The following BCAR1 variants were observed in gnomAD, a reference collection of about 807,000 sequenced individuals.
BCAR1 encodes BCAR1 scaffold protein, Cas family member, also known as breast cancer anti-estrogen resistance protein 1.
A neutral mutation model predicts 67.6 loss-of-function variants in BCAR1; 30 were observed. The ratio of observed to expected loss-of-function variants is 0.44; its 90% CI spans 0.33 to 0.60. BCAR1 has a LOEUF of 0.60. Among genes scored for constraint, BCAR1 ranks in the 20% least tolerant of loss-of-function variants. The pLI is 0.02. For synonymous variants in BCAR1, 626 were observed against 556.7 expected, an observed-to-expected ratio of 1.12 and a Z score of -1.75; for missense variants, 1,313 against 1,222.3, an observed-to-expected ratio of 1.07 and a Z score of -1.11.
rs906006705 is a variant in BCAR1, at chr16:75,237,333, G to A, written c.645C>T (p.Pro215=). The part of the protein sequence containing the change: ...GTKPPAKVVV[P]TRVGQGYVYE... The stretch of plus-strand genomic sequence containing the variant: ...ATACATAGCCCTGCCCCACGCGGGT[G>A]GGCACCACCACCTGGGGGCAGAGAG... Residue 215 remains proline (P), a synonymous_variant, in exon 3 of 7, where the codon CCC becomes CCT. Coordinates refer to ENST00000162330, the MANE Select transcript of BCAR1 (RefSeq NM_014567.5). The A allele has an allele frequency of 6.8e-7, 1 of 1,465,746 alleles. No individual in the cohort carries two copies. Among genetic ancestry groups the A allele is most frequent in the Non-Finnish European group, 9.0e-7 (1 of 1,110,448 alleles). The allele number at this position is 1,465,746 out of a possible 1,614,324, so 90.8% of individuals were successfully genotyped here.
chr16:75,263,995 C>T (rs1043057913), intron 1 of BCAR1: 29 of 1,193,584 alleles, frequency 2.4e-5, no homozygotes, highest in Non-Finnish European at 3.0e-5. Context: ...TGGCAAAGAC[C>T]TCTGCCCACC....
At position 75,229,554 on chromosome 16, in the gene BCAR1, G is replaced by C. The variant is rs752395738; in HGVS notation, c.2570C>G (p.Thr857Ser). The stretch of plus-strand genomic sequence containing the variant: ...GCCTAGGACGCGGCGGAACTGCTGG[G>C]TGCTGTGGCCCAGCTCCTTGACCCT... ...VERVKELGHS[T>S]QQFRRVLGQL... Residue 857 changes from threonine to serine, a missense_variant, in exon 7 of 7, where the codon ACC becomes AGC. Thr to Ser is a moderately conservative substitution (Grantham distance 58). Coordinates refer to ENST00000162330, the MANE Select transcript of BCAR1 (RefSeq NM_014567.5). 1 of 1,605,070 alleles carries C rather than the reference G, an allele frequency of 6.2e-7. No homozygotes were observed. Among genetic ancestry groups the C allele is most frequent in the South Asian group, 1.1e-5 (1 of 90,118 alleles).
Position 75,229,347 on chromosome 16 carries a change from G to A in BCAR1, c.*164C>T. 1.7e-6 allele frequency: 2 copies of A among 1,176,628 alleles called. No homozygotes were observed. The highest frequency in any genetic ancestry group is 2.3e-6 in the Non-Finnish European group (2 of 873,422). The allele number at this position is 1,176,628 out of a possible 1,614,324, so 72.9% of individuals were successfully genotyped here. On this transcript the variant is annotated 3_prime_UTR_variant, in exon 7 of 7. Transcript: ENST00000162330. Reference sequence around the variant, plus strand: ...CTGAGGAGGCATGGCCCCACACCCTGCCCGGCCATAAATATATACAGATTC... The same window carrying A: ...CTGAGGAGGCATGGCCCCACACCCTACCCGGCCATAAATATATACAGATTC...
chr16:75,257,459 C>CA (rs1254278953), intron 1 of BCAR1, among the ~76,000 whole-genome samples: 11 of 151,740 alleles, frequency 7.2e-5, no homozygotes. Context: ...GAAAGCAATG[C>CA]TTTTTTTTCT....
chr16:75,237,148 C>T, intron 3 of BCAR1, 35 bp downstream of exon 3: 1 of 1,494,020 alleles, frequency 6.7e-7, no homozygotes, highest in Non-Finnish European at 8.9e-7. Flanking sequence ...AGACTTGCCG[C>T]CCTGCCCTCC....
At chr16:75,245,964 CTTTTTTTTTTTTTTTTT>C (rs60320561) in intron 1 of BCAR1, 3 of 49,634 alleles carry the variant, frequency 6.0e-5, no homozygotes, top group African/African-American at 1.5e-4. Context: ...TAGGATTGTT[CTTTTTTTTTTTTTTTTT>C]TTTTTTTTTT....
At chr16:75,232,193 C>T (rs2076923405) in intron 6 of BCAR1, among the ~76,000 whole-genome samples, 1 of 144,904 alleles carries the variant, frequency 6.9e-6, no homozygotes, top group South Asian at 2.2e-4. Flanking sequence ...CGGAATCTCA[C>T]CCTGTCGCCC....
At chr16:75,236,264 G>C (rs1032587098) in intron 4 of BCAR1, 3 of 506,122 alleles carry the variant, frequency 5.9e-6, no homozygotes, top group Non-Finnish European at 1.0e-5. Context: ...GACCACCCCT[G>C]TGCCTGAAGG....
intron 2 of BCAR1, among the ~76,000 whole-genome samples, chr16:75,241,553 T>A (rs1287933056): frequency 1.3e-5 from 2 of 152,188 alleles, no homozygotes; most frequent in Non-Finnish European, 2.9e-5. Context: ...TCTGACCAGA[T>A]GGCTGAAGGA....
intron 5 of BCAR1, among the ~76,000 whole-genome samples, chr16:75,234,487 G>T (rs536407125): frequency 6.6e-6 from 1 of 152,306 alleles, no homozygotes; most frequent in Admixed American, 6.5e-5. Flanking sequence ...GCTCAGCCTG[G>T]AATGTTCCTT....
chr16:75,259,851 A>T (rs1221247400), intron 1 of BCAR1, among the ~76,000 whole-genome samples: 2 of 27,558 alleles, frequency 7.3e-5, no homozygotes, highest in Admixed American at 3.3e-4. Context: ...GACTCCATCT[A>T]AAAAAAAAAA....
intron 2 of BCAR1, among the ~76,000 whole-genome samples, chr16:75,237,909 G>A (rs2077198664): frequency 6.6e-6 from 1 of 152,226 alleles, no homozygotes; most frequent in African/African-American, 2.4e-5. Flanking sequence ...GGAGGACAGG[G>A]CCAGAGGGGC....
chr16:75,242,062 G>A (rs905116370), intron 2 of BCAR1, among the ~76,000 whole-genome samples: 16 of 152,312 alleles, frequency 1.1e-4, no homozygotes, highest in Admixed American at 3.3e-4. Flanking sequence ...AAGATGTGCC[G>A]GAACCCCATC....
chr16:75,256,699 A>G (rs1239376858), intron 1 of BCAR1, among the ~76,000 whole-genome samples: 2 of 152,186 alleles, frequency 1.3e-5, no homozygotes, highest in African/African-American at 4.8e-5. Flanking sequence ...AGAGGGGCTC[A>G]GCTCACAGCC....
Position 75,229,544 on chromosome 16 carries a change from G to C in BCAR1, c.2580C>G (p.Phe860Leu), listed in dbSNP as rs764863597. Residue 860 changes from phenylalanine (F) to leucine (L), a missense_variant, in exon 7 of 7, where the codon TTC becomes TTG. By Grantham distance (22) the Phe-to-Leu change is conservative. Transcript: ENST00000162330. Reference protein sequence around the residue: ...VKELGHSTQQFRRVLGQLAAA With the variant: ...VKELGHSTQQLRRVLGQLAAA ...CTGCCAGCTGGCCTAGGACGCGGCG[G>C]AACTGCTGGGTGCTGTGGCCCAGCT... The C allele has an allele frequency of 6.3e-7, 1 of 1,599,868 alleles. No individual in the cohort carries two copies. Among genetic ancestry groups the C allele is most frequent in the Non-Finnish European group, 8.5e-7 (1 of 1,173,870 alleles).
chr16:75,231,444 A>G (rs2076897221), intron 6 of BCAR1, among the ~76,000 whole-genome samples: 1 of 152,146 alleles, frequency 6.6e-6, no homozygotes, highest in African/African-American at 2.4e-5. Flanking sequence ...AAATGTCCAT[A>G]CTTTATTGAA....
intron 1 of BCAR1, chr16:75,251,073 G>A: frequency 9.3e-6 from 7 of 750,088 alleles, no homozygotes; most frequent in Non-Finnish European, 9.8e-6. Flanking sequence ...CGCCACACCA[G>A]CCGGACCACC....
intron 1 of BCAR1, among the ~76,000 whole-genome samples, chr16:75,244,791 G>A (rs1053024832): frequency 2.0e-5 from 3 of 152,172 alleles, no homozygotes; most frequent in African/African-American, 7.2e-5. Flanking sequence ...AAGGGCAGAG[G>A]CCCTGGATGG....
At chr16:75,266,457 G>T (rs7190037) in intron 1 of BCAR1, 192 of 317,548 alleles carry the variant, frequency 6.0e-4, no homozygotes, top group African/African-American at 3.9e-3. Context: ...CTGTGTCCCT[G>T]TAACCCCCAC....
Sources: gnomAD v4.1 joint callset for allele counts (sites outside exome capture counted in the v4.1 genomes callset) on GRCh38, gnomAD v4.1.1 for gene constraint, MANE v1.5 for transcripts, NCBI Gene and HGNC (gene_info 2026-07-23, HGNC 2026-07-21) for gene names.